Variants in SNTG1 observed in about 807,000 individuals in gnomAD.
The protein encoded by SNTG1 is syntrophin gamma 1.
SNTG1 carries 39 observed loss-of-function variants against 74.7 expected under a neutral mutation model. The observed-to-expected ratio is 0.52, with a 90% CI of 0.40 to 0.68. The LOEUF is 0.68. Ranked by LOEUF, SNTG1 falls within the 30% of genes least tolerant of loss-of-function variation. SNTG1 has a pLI of 0.00. For missense variants in SNTG1, 685 were observed against 609.5 expected (o/e 1.12, Z -1.30); for synonymous variants, 254 against 217.1 (o/e 1.17, Z -1.49).
At chr8:49,936,576 G>C (rs1292777311) in intron 1 of SNTG1, among the ~76,000 whole-genome samples, 1 of 152,090 alleles carries the variant, frequency 6.6e-6, no homozygotes, top group Non-Finnish European at 1.5e-5. Flanking sequence ...CACTATTTAT[G>C]CTTTTTTACA....
chr8:50,480,009 G>T (rs1450634395), intron 8 of SNTG1, among the ~76,000 whole-genome samples: 1 of 152,150 alleles, frequency 6.6e-6, no homozygotes, highest in African/African-American at 2.4e-5. Context: ...ATCAACTGTG[G>T]AGACTTTAAA....
At chr8:50,691,754 T>C (rs887222702) in intron 15 of SNTG1, among the ~76,000 whole-genome samples, 3 of 152,158 alleles carry the variant, frequency 2.0e-5, no homozygotes, top group Non-Finnish European at 4.4e-5. Context: ...AAGGAGTATC[T>C]TTGTTACATT....
At chr8:50,728,464 G>A (rs998841439) in intron 17 of SNTG1, among the ~76,000 whole-genome samples, 1 of 152,166 alleles carries the variant, frequency 6.6e-6, no homozygotes, top group Non-Finnish European at 1.5e-5. Flanking sequence ...ATACCAGAGT[G>A]TGTGTCTATT....
intron 1 of SNTG1, among the ~76,000 whole-genome samples, chr8:49,916,872 A>T (rs1282890515): frequency 6.6e-6 from 1 of 151,780 alleles, no homozygotes; most frequent in Non-Finnish European, 1.5e-5. Context: ...AAAAATAAAA[A>T]AATAATATCT....
At chr8:49,930,838 G>T (rs1202455346) in intron 1 of SNTG1, among the ~76,000 whole-genome samples, 1 of 151,954 alleles carries the variant, frequency 6.6e-6, no homozygotes, top group Non-Finnish European at 1.5e-5. Context: ...AAGAACACTT[G>T]AAAAAATGCT....
At chr8:50,701,631 CTCT>C (rs1263428906) in intron 15 of SNTG1, among the ~76,000 whole-genome samples, 10 of 82,196 alleles carry the variant, frequency 1.2e-4, no homozygotes, top group Middle Eastern at 7.1e-3. Context: ...GTTCCTCTTC[CTCT>C]TCTTCTTCCT....
intron 2 of SNTG1, among the ~76,000 whole-genome samples, chr8:50,230,388 A>G (rs1441953962): frequency 2.0e-5 from 3 of 151,512 alleles, no homozygotes; most frequent in African/African-American, 7.2e-5. Context: ...CAGACCCTGG[A>G]AAAACCAAAA....
chr8:50,534,004 A>C (rs1194717653), intron 10 of SNTG1, among the ~76,000 whole-genome samples: 4 of 152,222 alleles, frequency 2.6e-5, no homozygotes, highest in African/African-American at 9.6e-5. Flanking sequence ...ACAAAATTTG[A>C]AAGAAATTAT....
chr8:49,940,249 G>C (rs755771120), intron 1 of SNTG1, among the ~76,000 whole-genome samples: 1 of 152,174 alleles, frequency 6.6e-6, no homozygotes, highest in African/African-American at 2.4e-5. Flanking sequence ...ATTGAGCAGG[G>C]ATGTGCAAAA....
Position 50,197,906 on chromosome 8 carries a change from T to G in SNTG1, c.-28+25271T>G, listed in dbSNP as rs1356149847. 2.0e-4 allele frequency among the ~76,000 whole-genome samples: 30 copies of G among 152,152 alleles called. 1 individual carries two copies. The highest frequency in any genetic ancestry group is 2.0e-3 in the Admixed American group (30 of 15,266). On this transcript the variant is annotated intron_variant, in intron 2 of 18. Coordinates refer to ENST00000642720, the MANE Select transcript of SNTG1 (RefSeq NM_018967.5). ...TATTTTAAAAATTATCAGTCTTTATTCTCATATGCAGTTCAAACAATACAA... is the reference window on the plus strand; with the variant it reads ...TATTTTAAAAATTATCAGTCTTTATGCTCATATGCAGTTCAAACAATACAA...
chr8:50,484,500 C>A (rs2093773302), intron 8 of SNTG1, among the ~76,000 whole-genome samples: 1 of 151,410 alleles, frequency 6.6e-6, no homozygotes, highest in South Asian at 2.1e-4. Context: ...CAGGCGTGAG[C>A]CTCCATGCCC....
At chr8:50,718,530 T>C (rs987060065) in intron 17 of SNTG1, among the ~76,000 whole-genome samples, 24 of 152,322 alleles carry the variant, frequency 1.6e-4, no homozygotes, top group African/African-American at 5.8e-4. Context: ...CTCTGATTGT[T>C]CCTTATTCTT....
intron 18 of SNTG1, among the ~76,000 whole-genome samples, chr8:50,783,834 A>C (rs1311747709): frequency 6.6e-6 from 1 of 152,200 alleles, no homozygotes; most frequent in East Asian, 1.9e-4. Flanking sequence ...CTATTTGGCC[A>C]TCTTGGCTCC....
chr8:50,780,120 G>C (rs1032404995), intron 18 of SNTG1, among the ~76,000 whole-genome samples: 18 of 152,114 alleles, frequency 1.2e-4, no homozygotes, highest in Non-Finnish European at 2.5e-4. Context: ...TTTTATTGAG[G>C]ATTTTTGCAT....
chr8:49,949,218 C>A (rs1809483700), intron 1 of SNTG1, among the ~76,000 whole-genome samples: 2 of 152,200 alleles, frequency 1.3e-5, no homozygotes, highest in Admixed American at 1.3e-4. Context: ...CTAACAAATA[C>A]TTACCAATGA....
intron 1 of SNTG1, among the ~76,000 whole-genome samples, chr8:50,142,193 A>C (rs1009849017): frequency 6.6e-6 from 1 of 152,172 alleles, no homozygotes; most frequent in Non-Finnish European, 1.5e-5. Context: ...TTAGCCAGAA[A>C]ACATACATTT....
At chr8:49,929,806 G>A (rs970856785) in intron 1 of SNTG1, among the ~76,000 whole-genome samples, 19 of 151,146 alleles carry the variant, frequency 1.3e-4, no homozygotes, top group Non-Finnish European at 2.2e-4. Context: ...ATGCTGGTGC[G>A]CTGCACCCAC....
intron 1 of SNTG1, among the ~76,000 whole-genome samples, chr8:50,101,516 T>A (rs1586272252): frequency 6.6e-6 from 1 of 152,100 alleles, no homozygotes; most frequent in East Asian, 1.9e-4. Flanking sequence ...GATATGCATT[T>A]CCTAATGATT....
chr8:50,318,724 T>C (rs538184570), intron 2 of SNTG1, among the ~76,000 whole-genome samples: 23 of 152,324 alleles, frequency 1.5e-4, no homozygotes, highest in African/African-American at 5.5e-4. Flanking sequence ...TATAGAGCCA[T>C]GTATATCAGT....
Sources: gnomAD v4.1 joint callset for allele counts (sites outside exome capture counted in the v4.1 genomes callset) on GRCh38, gnomAD v4.1.1 for gene constraint, MANE v1.5 for transcripts, NCBI Gene and HGNC (gene_info 2026-07-23, HGNC 2026-07-21) for gene names.